RRP12: variants seen among roughly 807,000 people sequenced by gnomAD.
RRP12 encodes ribosomal RNA processing 12 homolog, also known as RRP12-like protein.
Under a neutral mutation model 157.3 loss-of-function variants are expected in RRP12, and 78 were observed. That is an observed-to-expected ratio of 0.50 (90% CI 0.41 to 0.60). RRP12 has a LOEUF of 0.60. RRP12 is among the 20% of genes least tolerant of loss of function. The pLI is 0.00. For missense variants in RRP12, 1,521 were observed against 1,679.9 expected, an observed-to-expected ratio of 0.91 and a Z score of 1.65; for synonymous variants, 726 against 670.9, an observed-to-expected ratio of 1.08 and a Z score of -1.27.
chr10:97,370,407 C>G (rs111916860), intron 23 of RRP12, 48 bp downstream of exon 23: 8 of 1,090,984 alleles, frequency 7.3e-6, no homozygotes, highest in South Asian at 4.0e-5. Flanking sequence ...TGCTTCCCCC[C>G]ACCCAGTCTA....
At chr10:97,380,277 G>C (rs1039789272) in intron 13 of RRP12, among the ~76,000 whole-genome samples, 1 of 152,182 alleles carries the variant, frequency 6.6e-6, no homozygotes, top group African/African-American at 2.4e-5. Context: ...GGGAGTCAGT[G>C]AGGAAGGCCC....
intron 4 of RRP12, among the ~76,000 whole-genome samples, chr10:97,392,029 G>A (rs1173130957): frequency 6.6e-6 from 1 of 150,602 alleles, no homozygotes; most frequent in Non-Finnish European, 1.5e-5. Context: ...TTTGGAGACA[G>A]GGTCTCACTC....
intron 2 of RRP12, among the ~76,000 whole-genome samples, chr10:97,398,039 A>ATATATAT (rs1436494245): frequency 2.3e-4 from 13 of 56,026 alleles, no homozygotes; most frequent in Non-Finnish European, 3.2e-4. Context: ...ATATATACGT[A>ATATATAT]TTTTTTTTTT....
intron 20 of RRP12, chr10:97,371,794 G>A: frequency 2.9e-6 from 1 of 346,790 alleles, no homozygotes; most frequent in Non-Finnish European, 5.4e-6. Flanking sequence ...GGTCTGGGAT[G>A]GGCCTGGGGA....
rs1388385698 is a variant in RRP12, at chr10:97,372,740, TAA to T, written c.2243_2244del (p.Phe748TyrfsTer17). ...EKVLDPASSD[F>X]TRLSVLDLVV... ...GGGAGGCCCTGAGCATGTTACCTGG[TAA>T]AGTCAGAGCTGGCAGGGTCGAGCAC... On this transcript the variant is annotated frameshift_variant, in exon 19 of 34. Transcript: ENST00000370992. LOFTEE classifies it high-confidence loss of function. 1 of 1,559,326 alleles carries T rather than the reference TAA, an allele frequency of 6.4e-7. No homozygotes were observed. The highest frequency in any genetic ancestry group is 8.7e-7 in the Non-Finnish European group (1 of 1,151,246).
At chr10:97,369,394 G>A (rs1404677704) in intron 25 of RRP12, 31 bp downstream of exon 25, 1 of 1,605,462 alleles carries the variant, frequency 6.2e-7, no homozygotes. Context: ...AGGCCACCCT[G>A]CTACCTGCTA....
At position 97,371,070 on chromosome 10, in the gene RRP12, G is replaced by A. The variant is rs61739163; in HGVS notation, c.2355C>T (p.His785=). 478 of 1,613,376 alleles carry A rather than the reference G, an allele frequency of 3.0e-4. 2 individuals carry two copies. In the African/African-American group the frequency reaches 5.3e-3, roughly 18 times the overall value. ...TIRPYLESKA[H]GVQKKAYRVL... ...CTCGGTAGGCCTTCTTCTGCACCCC[G>A]TGGGCCTTGCTCTGGCAGACAGGAA... is the stretch of plus-strand genomic sequence containing the variant. The change falls in exon 21 of 34, where the codon CAC becomes CAT. Residue 785 remains histidine, a synonymous_variant. Coordinates refer to ENST00000370992, the MANE Select transcript of RRP12 (RefSeq NM_015179.4).
intron 13 of RRP12, 90 bp from the exon 14 acceptor site, chr10:97,379,860 TGG>T: frequency 7.4e-7 from 1 of 1,344,046 alleles, no homozygotes; most frequent in Non-Finnish European, 1.0e-6. Flanking sequence ...GCTGGAATTC[TGG>T]GCCTGGGTTC....
intron 4 of RRP12, chr10:97,393,214 T>C (rs949875898): frequency 2.7e-5 from 12 of 445,458 alleles, no homozygotes; most frequent in African/African-American, 2.0e-4. Flanking sequence ...TGACTCTGCT[T>C]TTGCCTTCAA....
chr10:97,361,855 T>A (rs993728463), intron 30 of RRP12, among the ~76,000 whole-genome samples: 2 of 152,136 alleles, frequency 1.3e-5, no homozygotes, highest in African/African-American at 4.8e-5. Flanking sequence ...ACGCCTGTAA[T>A]CCTGGCACTT....
chr10:97,395,252 A>C (rs540640102), intron 3 of RRP12, among the ~76,000 whole-genome samples: 2 of 152,022 alleles, frequency 1.3e-5, no homozygotes, highest in East Asian at 3.9e-4. Context: ...ATATTTATTT[A>C]TTTAATGTAA....
intron 5 of RRP12, 88 bp downstream of exon 5, chr10:97,390,651 T>A: frequency 7.4e-7 from 1 of 1,359,558 alleles, no homozygotes; most frequent in Non-Finnish European, 1.1e-6. Context: ...CCAGGGTGCC[T>A]AAACCCCTCT....
At chr10:97,376,895 T>C (rs973475697) in intron 15 of RRP12, among the ~76,000 whole-genome samples, 1 of 151,538 alleles carries the variant, frequency 6.6e-6, no homozygotes, top group Non-Finnish European at 1.5e-5. Flanking sequence ...TTTTTTTTTT[T>C]TTGAGACAGA....
rs140037087 is a variant in RRP12, at chr10:97,369,569, G to A, written c.2811C>T (p.Thr937=). The change falls in exon 25 of 34, where the codon ACC becomes ACT. Residue 937 remains threonine (T), a synonymous_variant. Transcript: ENST00000370992. ...LLFEFKGLMG[T]STVEQLLENV... is the part of the protein sequence containing the mutation. ...TCTCCAGCAGCTGCTCCACTGTACT[G>A]GTCCCCATCAGACCTGTGGCAGTGA... The A allele has an allele frequency of 1.1e-5, 18 of 1,565,538 alleles. No homozygotes were observed. The African/African-American group carries it at 1.8e-4, about 15-fold the overall frequency.
At position 97,390,524 on chromosome 10, in the gene RRP12, C is replaced by A; in HGVS notation, c.652G>T (p.Ala218Ser). 6 of 1,613,432 alleles carry A rather than the reference C, an allele frequency of 3.7e-6. No homozygotes were observed. The highest frequency in any genetic ancestry group is 5.1e-6 in the Non-Finnish European group (6 of 1,179,530). ...AGGTCTTGCTTCCGCAGAAGGGTGGCCAGGCAGGAAAGGACCTGGAAGAAA... is the reference window on the plus strand; with the variant it reads ...AGGTCTTGCTTCCGCAGAAGGGTGGACAGGCAGGAAAGGACCTGGAAGAAA... ...SVLRWVLSCL[A>S]TLLRKQDLEA... Residue 218 changes from alanine (A) to serine (S), a missense_variant, in exon 6 of 34, where the codon GCC (alanine) becomes TCC (serine). Transcript: ENST00000370992.
intron 1 of RRP12, 124 bp downstream of exon 1, chr10:97,400,969 G>A: frequency 8.2e-7 from 1 of 1,218,854 alleles, no homozygotes; most frequent in Non-Finnish European, 1.1e-6. Context: ...CTCCAGATCC[G>A]ACATCCTAAG....
rs138766679 is a variant in RRP12 at position 97,366,500 on chromosome 10, C to T, written c.3337G>A (p.Gly1113Ser). 4.4e-4 allele frequency: 712 copies of T among 1,614,038 alleles called. 5 individuals are homozygous for T. In the African/African-American group the frequency reaches 7.5e-3, roughly 17 times the overall value. The change falls in exon 28 of 34, where the codon GGT (glycine) becomes AGT (serine). Residue 1113 changes from glycine to serine, a missense_variant. Transcript: ENST00000370992. ...QRSRAWLKEGGGDEPLNFLDP... is the reference protein window; with the variant it reads ...QRSRAWLKEGSGDEPLNFLDP... ...AGGAAGTTGAGGGGCTCGTCCCCAC[C>T]GCCCTCTTTCAGCCATGCCCGGCTC... is the stretch of plus-strand genomic sequence containing the variant.
At chr10:97,357,816 G>A (rs984910350) in intron 33 of RRP12, among the ~76,000 whole-genome samples, 6 of 152,008 alleles carry the variant, frequency 3.9e-5, no homozygotes, top group Non-Finnish European at 7.4e-5. Flanking sequence ...AAAATTAGCC[G>A]GGTGTGGTGG....
rs147739410 is a variant in RRP12, at chr10:97,365,130, G to A, written c.3517+978C>T. Among the ~76,000 whole-genome samples the A allele has an allele frequency of 2.5e-3, 383 of 152,232 alleles. 2 individuals are homozygous for A. In the Middle Eastern group the frequency reaches 0.065, roughly 26 times the overall value. On this transcript the variant is annotated intron_variant, in intron 29 of 33. Transcript: ENST00000370992. ...GGAGCTAAGGAGAGGCTGACCGAGC[G>A]GCTGCAGTCGTGTGGCTGGTGAGTT...
Sources: allele counts gnomAD v4.1 joint callset (sites outside exome capture counted in the v4.1 genomes callset), GRCh38; gene constraint gnomAD v4.1.1; transcripts MANE v1.5; gene names NCBI Gene and HGNC (gene_info 2026-07-23, HGNC 2026-07-21).